Variants in SLC24A2 observed in about 807,000 individuals in gnomAD.
SLC24A2 encodes sodium/potassium/calcium exchanger 2.
Under a neutral mutation model 62.0 loss-of-function variants are expected in SLC24A2, and 36 were observed. That is an observed-to-expected ratio of 0.58 (90% CI 0.44 to 0.77). The LOEUF (loss-of-function observed/expected upper bound fraction) is 0.77, where lower values mean the gene tolerates loss of function less well. SLC24A2 is among the 30% of genes least tolerant of loss of function. The pLI, the probability that SLC24A2 is intolerant of heterozygous loss-of-function variation, is 0.00. For synonymous variants in SLC24A2, 358 were observed against 294.0 expected (o/e 1.22, Z -2.23); for missense variants, 846 against 817.9 (o/e 1.03, Z -0.42).
chr9:19,557,185 A>C (rs574692251), intron 7 of SLC24A2, among the ~76,000 whole-genome samples: 1 of 152,204 alleles, frequency 6.6e-6, no homozygotes, highest in Non-Finnish European at 1.5e-5. Flanking sequence ...AGTTCTAAAA[A>C]TAGATATGAA....
intron 7 of SLC24A2, among the ~76,000 whole-genome samples, chr9:19,570,861 C>CTGAT (rs745798178): frequency 3.9e-5 from 6 of 152,128 alleles, no homozygotes; most frequent in Non-Finnish European, 7.4e-5. Context: ...CCCAGGTCAC[C>CTGAT]TGATTGCTCT....
the SLC24A2 span, among the ~76,000 whole-genome samples, chr9:19,899,459 C>T: frequency 6.6e-6 from 1 of 152,158 alleles, no homozygotes; most frequent in East Asian, 1.9e-4. Context: ...CAAAGTCTTG[C>T]TATGTTATAC....
intron 8 of SLC24A2, among the ~76,000 whole-genome samples, chr9:19,535,545 G>A (rs1270489984): frequency 6.6e-6 from 1 of 152,196 alleles, no homozygotes; most frequent in Non-Finnish European, 1.5e-5. Flanking sequence ...TGTAAGGAAA[G>A]GGTCCAGTTT....
chr9:20,244,351 A>C, the SLC24A2 span, among the ~76,000 whole-genome samples: 1 of 152,204 alleles, frequency 6.6e-6, no homozygotes, highest in African/African-American at 2.4e-5. Flanking sequence ...AAAGAGCAGG[A>C]AGGAGGGAAC....
the SLC24A2 span, among the ~76,000 whole-genome samples, chr9:20,055,824 G>T: frequency 2.6e-5 from 4 of 152,088 alleles, no homozygotes; most frequent in Non-Finnish European, 5.9e-5. Context: ...AGGATGCGGA[G>T]GATGCAGTGA....
chr9:20,033,737 G>T, the SLC24A2 span, among the ~76,000 whole-genome samples: 1 of 152,300 alleles, frequency 6.6e-6, no homozygotes, highest in East Asian at 1.9e-4. Context: ...GGTCTAAAAA[G>T]GGGAGGAACC....
chr9:19,767,661 A>G (rs1293458853), intron 2 of SLC24A2, among the ~76,000 whole-genome samples: 1 of 152,174 alleles, frequency 6.6e-6, no homozygotes, highest in Non-Finnish European at 1.5e-5. Context: ...AGTGAGGTGA[A>G]CCGGGTACCT....
intron 2 of SLC24A2, among the ~76,000 whole-genome samples, chr9:19,779,125 C>G (rs1315725601): frequency 2.0e-5 from 3 of 152,076 alleles, no homozygotes; most frequent in Non-Finnish European, 4.4e-5. Context: ...GATAGAAAAC[C>G]ATGAACAGTG....
intron 4 of SLC24A2, among the ~76,000 whole-genome samples, chr9:19,612,516 G>A (rs1837207544): frequency 6.6e-6 from 1 of 152,094 alleles, no homozygotes; most frequent in South Asian, 2.1e-4. Flanking sequence ...AACCCTATGA[G>A]GTAGGTATTA....
At chr9:19,611,941 CAG>C (rs553905174) in intron 4 of SLC24A2, among the ~76,000 whole-genome samples, 39 of 152,238 alleles carry the variant, frequency 2.6e-4, no homozygotes, top group African/African-American at 9.1e-4. Context: ...GTGGGGGGAA[CAG>C]AGAGTATTAA....
chr9:20,190,753 A>T, the SLC24A2 span, among the ~76,000 whole-genome samples: 2 of 152,210 alleles, frequency 1.3e-5, no homozygotes, highest in Admixed American at 6.5e-5. Flanking sequence ...AAATCCCTAG[A>T]TTTAAATTCT....
At chr9:19,589,800 G>A (rs992504561) in intron 5 of SLC24A2, among the ~76,000 whole-genome samples, 2 of 151,856 alleles carry the variant, frequency 1.3e-5, no homozygotes, top group African/African-American at 4.8e-5. Context: ...GTTTTCATAG[G>A]GTTTAAGTAG....
chr9:19,958,387 C>A, the SLC24A2 span, among the ~76,000 whole-genome samples: 1 of 152,200 alleles, frequency 6.6e-6, no homozygotes, highest in South Asian at 2.1e-4. Flanking sequence ...CTGGTAAAGT[C>A]CACACAGAGG....
chr9:19,744,110 C>T (rs1821759062), intron 2 of SLC24A2, among the ~76,000 whole-genome samples: 1 of 152,120 alleles, frequency 6.6e-6, no homozygotes, highest in Non-Finnish European at 1.5e-5. Flanking sequence ...TGTTACAATA[C>T]ATCAATGACA....
intron 2 of SLC24A2, among the ~76,000 whole-genome samples, chr9:19,781,230 G>A (rs1366758455): frequency 6.6e-6 from 1 of 152,154 alleles, no homozygotes; most frequent in African/African-American, 2.4e-5. Flanking sequence ...TGTGTCCCCA[G>A]TAGCAAGAGA....
intron 2 of SLC24A2, among the ~76,000 whole-genome samples, chr9:19,754,981 C>A (rs745342817): frequency 6.6e-6 from 1 of 152,126 alleles, no homozygotes; most frequent in Non-Finnish European, 1.5e-5. Flanking sequence ...AAGATGGTTT[C>A]TATTTTCTGC....
At chr9:19,729,517 A>C (rs1024007177) in intron 2 of SLC24A2, among the ~76,000 whole-genome samples, 2 of 152,228 alleles carry the variant, frequency 1.3e-5, no homozygotes, top group Admixed American at 6.5e-5. Flanking sequence ...TGTACATACA[A>C]AATGGAATAC....
intron 5 of SLC24A2, among the ~76,000 whole-genome samples, chr9:19,584,981 AATTAT>A (rs1836327033): frequency 6.6e-6 from 1 of 152,154 alleles, no homozygotes; most frequent in Admixed American, 6.5e-5. Context: ...AACGACATTT[AATTAT>A]ATTAGATTTA....
At chr9:19,888,277 G>C in the SLC24A2 span, among the ~76,000 whole-genome samples, 1 of 152,130 alleles carries the variant, frequency 6.6e-6, no homozygotes, top group Non-Finnish European at 1.5e-5. Context: ...CCATTCCTAA[G>C]TAGGTGCAAA....
Sources: allele counts gnomAD v4.1 joint callset (sites outside exome capture counted in the v4.1 genomes callset), GRCh38; gene constraint gnomAD v4.1.1; transcripts MANE v1.5; gene names NCBI Gene and HGNC (gene_info 2026-07-23, HGNC 2026-07-21).